Variants in EFNA5 observed in about 807,000 individuals in gnomAD.
The protein encoded by EFNA5 is ephrin-A5.
EFNA5 carries 5 observed loss-of-function variants against 22.9 expected under a neutral mutation model. That is an observed-to-expected ratio of 0.22 (90% CI 0.11 to 0.46). EFNA5 has a LOEUF of 0.46. Among genes scored for constraint, EFNA5 ranks in the 20% least tolerant of loss-of-function variants. The pLI, the probability that EFNA5 is intolerant of heterozygous loss-of-function variation, is 0.99. For missense variants in EFNA5, 237 were observed against 293.3 expected, an observed-to-expected ratio of 0.81 and a Z score of 1.40; for synonymous variants, 113 against 112.2, an observed-to-expected ratio of 1.01 and a Z score of -0.04.
chr5:107,670,627 C>T lies in EFNA5; in HGVS notation c.-14G>A. The T allele has an allele frequency of 6.3e-7, 1 of 1,597,838 alleles. No homozygotes were observed. Among genetic ancestry groups the T allele is most frequent in the Non-Finnish European group, 8.5e-7 (1 of 1,172,974 alleles). On this transcript the variant is annotated 5_prime_UTR_variant, in exon 1 of 5. Transcript: ENST00000333274. ...CACGTGCAACATCACGCCTGGCCAG[C>T]GGCGGAGCCCCCGACGCGCCACTCC... is the stretch of plus-strand genomic sequence containing the variant.
chr5:107,533,217 T>G (rs1374544352), intron 1 of EFNA5, among the ~76,000 whole-genome samples: 17 of 152,148 alleles, frequency 1.1e-4, no homozygotes. Context: ...TCATTTGTCA[T>G]CCTATTGTCT....
intron 2 of EFNA5, among the ~76,000 whole-genome samples, chr5:107,404,073 T>G (rs1748152216): frequency 6.6e-6 from 1 of 152,218 alleles, no homozygotes; most frequent in South Asian, 2.1e-4. Flanking sequence ...ACTTATGACC[T>G]AAATCATAAG....
chr5:107,406,907 A>G (rs1486067242), intron 2 of EFNA5, among the ~76,000 whole-genome samples: 1 of 152,246 alleles, frequency 6.6e-6, no homozygotes, highest in Non-Finnish European at 1.5e-5. Context: ...TGCCCGCAGA[A>G]TCACAAGTTT....
At chr5:107,413,887 C>A (rs1408452483) in intron 2 of EFNA5, among the ~76,000 whole-genome samples, 2 of 152,122 alleles carry the variant, frequency 1.3e-5, no homozygotes, top group Non-Finnish European at 2.9e-5. Flanking sequence ...CTATTTTAGT[C>A]TTTATCTTAG....
At chr5:107,511,912 C>G (rs1747378751) in intron 1 of EFNA5, among the ~76,000 whole-genome samples, 1 of 152,168 alleles carries the variant, frequency 6.6e-6, no homozygotes, top group African/African-American at 2.4e-5. Context: ...ATGCATTCCC[C>G]CAAATTTTCA....
chr5:107,392,630 CG>C (rs1747818360), intron 2 of EFNA5, among the ~76,000 whole-genome samples: 1 of 152,148 alleles, frequency 6.6e-6, no homozygotes. Context: ...AAATAATAAA[CG>C]TTGTTTTAGC....
At chr5:107,622,851 C>G (rs1750062653) in intron 1 of EFNA5, among the ~76,000 whole-genome samples, 1 of 151,236 alleles carries the variant, frequency 6.6e-6, no homozygotes, top group South Asian at 2.1e-4. Flanking sequence ...GAAACCCCGT[C>G]TCTACTAAAA....
chr5:107,654,787 C>CA (rs1312983192), intron 1 of EFNA5, among the ~76,000 whole-genome samples: 3 of 151,664 alleles, frequency 2.0e-5, no homozygotes, highest in African/African-American at 7.3e-5. Flanking sequence ...TTCCTCCCTC[C>CA]AAAAAAAATA....
At chr5:107,622,098 A>C (rs999891421) in intron 1 of EFNA5, among the ~76,000 whole-genome samples, 3 of 152,118 alleles carry the variant, frequency 2.0e-5, no homozygotes, top group African/African-American at 4.8e-5. Flanking sequence ...TAGGTGATCA[A>C]GTATTTACCA....
rs1375102060 is a variant in EFNA5, at chr5:107,616,119, C to T, written c.125+54370G>A. Among the ~76,000 whole-genome samples the T allele has an allele frequency of 2.6e-5, 4 of 152,232 alleles. No individual in the cohort carries two copies. The East Asian group carries it at 5.8e-4, about 22-fold the overall frequency. On this transcript the variant is annotated intron_variant, in intron 1 of 4. Transcript: ENST00000333274. ...TCAATAAAACCTTTCCATGTAGCAT[C>T]TTTGATGAAGTCAATAGGATTTAAT...
intron 1 of EFNA5, among the ~76,000 whole-genome samples, chr5:107,625,754 A>T (rs964593302): frequency 3.9e-5 from 6 of 152,224 alleles, no homozygotes; most frequent in Non-Finnish European, 8.8e-5. Flanking sequence ...TTCAAACTAC[A>T]GTACTTGATT....
At chr5:107,656,700 C>T (rs779288437) in intron 1 of EFNA5, among the ~76,000 whole-genome samples, 11 of 151,988 alleles carry the variant, frequency 7.2e-5, no homozygotes, top group Non-Finnish European at 1.3e-4. Flanking sequence ...TAAAGTCCTG[C>T]CACATATACA....
At chr5:107,552,407 T>A (rs1482317359) in intron 1 of EFNA5, among the ~76,000 whole-genome samples, 1 of 152,210 alleles carries the variant, frequency 6.6e-6, no homozygotes, top group African/African-American at 2.4e-5. Context: ...ATGAGGGAAG[T>A]GCTCTTACCA....
chr5:107,423,081 T>C (rs1748714239), intron 2 of EFNA5, among the ~76,000 whole-genome samples: 1 of 152,136 alleles, frequency 6.6e-6, no homozygotes, highest in Admixed American at 6.6e-5. Flanking sequence ...AATTAGGATA[T>C]TAAAGCTCCA....
At chr5:107,454,687 G>A (rs1483354839) in intron 1 of EFNA5, among the ~76,000 whole-genome samples, 4 of 152,004 alleles carry the variant, frequency 2.6e-5, no homozygotes, top group Non-Finnish European at 1.5e-5. Flanking sequence ...AAAAAGCTAA[G>A]GTCATTTGGT....
At position 107,566,183 on chromosome 5, in the gene EFNA5, C is replaced by T. The variant is rs147775197; in HGVS notation, c.125+104306G>A. On this transcript the variant is annotated intron_variant, in intron 1 of 4. Transcript: ENST00000333274. ...CCCTCTAAGTGATGGCACGCAGGAC[C>T]GGTCAAGCCCAACAATCCCTGGGCC... Among the ~76,000 whole-genome samples the T allele has an allele frequency of 4.6e-5, 7 of 152,304 alleles. No individual in the cohort carries two copies. The East Asian group carries it at 1.2e-3, about 25-fold the overall frequency.
intron 1 of EFNA5, among the ~76,000 whole-genome samples, chr5:107,652,554 T>C (rs1169308726): frequency 6.6e-6 from 1 of 152,330 alleles, no homozygotes; most frequent in East Asian, 1.9e-4. Context: ...ATGTGGTCTT[T>C]AGCACTGATA....
chr5:107,667,512 A>C (rs1751103128), intron 1 of EFNA5, among the ~76,000 whole-genome samples: 1 of 152,166 alleles, frequency 6.6e-6, no homozygotes, highest in African/African-American at 2.4e-5. Context: ...ACACAGTAAG[A>C]TACTGTACTT....
At chr5:107,576,385 ATTAGGGGGCACCATGT>A (rs1748928364) in intron 1 of EFNA5, among the ~76,000 whole-genome samples, 1 of 152,202 alleles carries the variant, frequency 6.6e-6, no homozygotes, top group African/African-American at 2.4e-5. Context: ...AAAGAATGCT[ATTAGGGGGCACCATGT>A]TTCCAAGTGA....
Sources: allele counts gnomAD v4.1 joint callset (sites outside exome capture counted in the v4.1 genomes callset), GRCh38; gene constraint gnomAD v4.1.1; transcripts MANE v1.5; gene names NCBI Gene and HGNC (gene_info 2026-07-23, HGNC 2026-07-21).